The following CTNNA2 variants were observed in gnomAD, a reference collection of about 807,000 sequenced individuals.
CTNNA2 encodes catenin alpha-2.
In CTNNA2, 42 loss-of-function variants were observed where a neutral mutation model predicts 101.0. The ratio of observed to expected loss-of-function variants is 0.42; its 90% confidence interval spans 0.32 to 0.54. The LOEUF (loss-of-function observed/expected upper bound fraction) is 0.54. Ranked by LOEUF, CTNNA2 falls within the 20% of genes least tolerant of loss-of-function variation. CTNNA2 has a pLI of 0.14. For synonymous variants in CTNNA2, 450 were observed against 456.4 expected (o/e 0.99, Z 0.18); for missense variants, 871 against 1,223.1 (o/e 0.71, Z 4.29).
At chr2:79,905,654 G>A (rs931482051) in intron 6 of CTNNA2, among the ~76,000 whole-genome samples, 2 of 152,024 alleles carry the variant, frequency 1.3e-5, no homozygotes, top group East Asian at 3.9e-4. Context: ...TGGTGATTTG[G>A]TGCCCCTTCC....
At chr2:80,280,891 G>A (rs1388143775) in intron 7 of CTNNA2, among the ~76,000 whole-genome samples, 1 of 152,050 alleles carries the variant, frequency 6.6e-6, no homozygotes, top group Non-Finnish European at 1.5e-5. Flanking sequence ...ATTGTTTCGG[G>A]CATCTACTGG....
rs369028573 is a variant in CTNNA2, at chr2:80,039,130, TA to T, written c.1056+129337del. ...GCATGTTTTATATGTGTGTTTCTTT[TA>T]AAATTCTTGATGCAAATTACCAACC... On this transcript the variant is annotated intron_variant, in intron 7 of 18. Coordinates refer to ENST00000402739, the MANE Select transcript of CTNNA2 (RefSeq NM_001282597.3). Among the ~76,000 whole-genome samples, 16 of 152,292 alleles carry T rather than the reference TA, an allele frequency of 1.1e-4. No homozygotes were observed. The East Asian group carries it at 2.1e-3, about 20-fold the overall frequency.
At chr2:80,105,234 C>A (rs768666358) in intron 7 of CTNNA2, among the ~76,000 whole-genome samples, 23 of 152,164 alleles carry the variant, frequency 1.5e-4, no homozygotes, top group African/African-American at 2.2e-4. Flanking sequence ...CATCGGCTCT[C>A]CAGGCCTACA....
chr2:79,947,724 A>C (rs1688600422), intron 7 of CTNNA2, among the ~76,000 whole-genome samples: 1 of 152,136 alleles, frequency 6.6e-6, no homozygotes, highest in Admixed American at 6.5e-5. Context: ...GTTTTATAGG[A>C]TACACCCTCT....
chr2:80,414,513 C>G (rs1250994959), intron 8 of CTNNA2, among the ~76,000 whole-genome samples: 1 of 152,064 alleles, frequency 6.6e-6, no homozygotes, highest in Non-Finnish European at 1.5e-5. Flanking sequence ...CAGAGAATTC[C>G]TCATGTTATG....
chr2:80,398,581 A>C (rs72813679), intron 8 of CTNNA2, among the ~76,000 whole-genome samples: 2 of 151,800 alleles, frequency 1.3e-5, no homozygotes, highest in Non-Finnish European at 2.9e-5. Flanking sequence ...GAGGCTGGGC[A>C]TGGTGGCTCA....
At chr2:80,133,581 G>A (rs1375722057) in intron 7 of CTNNA2, among the ~76,000 whole-genome samples, 2 of 152,120 alleles carry the variant, frequency 1.3e-5, no homozygotes, top group Admixed American at 1.3e-4. Flanking sequence ...CCTACAATGG[G>A]ACAGAAAAGT....
intron 2 of CTNNA2, among the ~76,000 whole-genome samples, chr2:79,673,916 C>T (rs1306962672): frequency 1.3e-5 from 2 of 152,176 alleles, no homozygotes; most frequent in African/African-American, 4.8e-5. Context: ...CCTGTGACCC[C>T]AGACACTAAT....
intron 7 of CTNNA2, among the ~76,000 whole-genome samples, chr2:79,970,281 GC>G (rs1333365891): frequency 6.6e-6 from 1 of 152,150 alleles, no homozygotes; most frequent in East Asian, 1.9e-4. Flanking sequence ...CCAACCTCTT[GC>G]TAGATCAGGG....
At chr2:79,980,701 TATGC>T (rs1312045503) in intron 7 of CTNNA2, among the ~76,000 whole-genome samples, 3 of 152,208 alleles carry the variant, frequency 2.0e-5, no homozygotes. Flanking sequence ...ACACGCATCA[TATGC>T]ATGTTTTGCT....
chr2:79,474,255 C>T (rs1671029447), intron 4 of CTNNA2, among the ~76,000 whole-genome samples: 1 of 152,040 alleles, frequency 6.6e-6, no homozygotes, highest in Admixed American at 6.6e-5. Flanking sequence ...CCCAAATGTC[C>T]CTGAACTGGG....
intron 7 of CTNNA2, among the ~76,000 whole-genome samples, chr2:80,064,968 A>T (rs1200001854): frequency 6.6e-6 from 1 of 152,216 alleles, no homozygotes; most frequent in Non-Finnish European, 1.5e-5. Context: ...TGGTTGAAGA[A>T]CCAGATTTTA....
intron 7 of CTNNA2, among the ~76,000 whole-genome samples, chr2:80,250,184 A>G (rs1001425800): frequency 3.3e-4 from 13 of 39,962 alleles, no homozygotes; most frequent in East Asian, 2.9e-3. Context: ...GGATGGGGGG[A>G]GAGAGAGAGA....
chr2:79,891,533 G>C (rs935507740), intron 6 of CTNNA2, among the ~76,000 whole-genome samples: 1 of 152,154 alleles, frequency 6.6e-6, no homozygotes, highest in African/African-American at 2.4e-5. Flanking sequence ...CATTTGTAGA[G>C]ATCTGATGGA....
At chr2:79,302,673 A>C (rs910500153) in intron 2 of CTNNA2, among the ~76,000 whole-genome samples, 3 of 152,198 alleles carry the variant, frequency 2.0e-5, no homozygotes, top group African/African-American at 4.8e-5. Flanking sequence ...CATGCAAATT[A>C]GATCTAGATT....
chr2:80,446,624 A>G (rs1447327872), intron 9 of CTNNA2, among the ~76,000 whole-genome samples: 4 of 152,176 alleles, frequency 2.6e-5, no homozygotes, highest in African/African-American at 9.7e-5. Flanking sequence ...AAATCATGTA[A>G]GGCTTTTTTA....
At chr2:80,164,276 T>G (rs760942874) in intron 7 of CTNNA2, among the ~76,000 whole-genome samples, 8 of 152,002 alleles carry the variant, frequency 5.3e-5, no homozygotes, top group Non-Finnish European at 1.2e-4. Flanking sequence ...CATTTTTTCT[T>G]TTATGGAATT....
intron 12 of CTNNA2, among the ~76,000 whole-genome samples, chr2:80,558,091 A>G (rs1292875800): frequency 1.3e-5 from 2 of 152,196 alleles, no homozygotes; most frequent in Non-Finnish European, 2.9e-5. Context: ...TAACTAGGAA[A>G]GTAACCAGGC....
At chr2:79,494,276 TA>T (rs1355453070) in intron 4 of CTNNA2, among the ~76,000 whole-genome samples, 2 of 76,862 alleles carry the variant, frequency 2.6e-5, no homozygotes, top group East Asian at 6.5e-4. Context: ...CCAGCTGCCC[TA>T]TTTTTTTTTT....
Sources: allele counts gnomAD v4.1 joint callset (sites outside exome capture counted in the v4.1 genomes callset), GRCh38; gene constraint gnomAD v4.1.1; transcripts MANE v1.5; gene names NCBI Gene and HGNC (gene_info 2026-07-23, HGNC 2026-07-21).